Variants in TMEM114 observed in about 807,000 individuals in gnomAD.
TMEM114 encodes the protein transmembrane protein 114, also known as claudin-26.
A neutral mutation model predicts 6.2 loss-of-function variants in TMEM114; 6 were observed. That is an observed-to-expected ratio of 0.97 (90% CI 0.53 to 1.91). The LOEUF is 1.91. TMEM114 is among the 40% of genes most tolerant of loss of function. The pLI, the probability that TMEM114 is intolerant of heterozygous loss-of-function variation, is 0.01. For synonymous variants in TMEM114, 104 were observed against 73.0 expected (o/e 1.42, Z -2.16); for missense variants, 218 against 158.3 (o/e 1.38, Z -2.02).
downstream of TMEM114, among the ~76,000 whole-genome samples, chr16:8,536,758 C>T (rs1900372727): frequency 6.6e-6 from 1 of 152,030 alleles, no homozygotes; most frequent in African/African-American, 2.4e-5. Flanking sequence ...GGAGGACTCC[C>T]AGTTGAGGCA....
intron 2 of TMEM114, among the ~76,000 whole-genome samples, chr16:8,585,222 C>T (rs1902282906): frequency 6.6e-6 from 1 of 152,098 alleles, no homozygotes. Context: ...CAATTACCTC[C>T]CACCAGATCC....
chr16:8,554,085 C>T (rs933832121), intron 2 of TMEM114, among the ~76,000 whole-genome samples: 3 of 152,024 alleles, frequency 2.0e-5, no homozygotes, highest in African/African-American at 7.2e-5. Flanking sequence ...CACCATGTTG[C>T]CCAGGCTGAT....
intron 2 of TMEM114, among the ~76,000 whole-genome samples, chr16:8,574,606 T>TTTCTTTCTTTCTTTC (rs71396281): frequency 0.034 from 5,163 of 151,070 alleles, 144 homozygotes; most frequent in Non-Finnish European, 0.044. Context: ...TCTTTCTTTC[T>TTTCTTTCTTTCTTTC]TTTTCAGGGA....
intron 2 of TMEM114, among the ~76,000 whole-genome samples, chr16:8,584,846 C>T (rs1902263786): frequency 6.8e-6 from 1 of 147,242 alleles, no homozygotes; most frequent in African/African-American, 2.5e-5. Context: ...TGCTTAAATC[C>T]AGGAGGCGGA....
At chr16:8,551,328 T>C (rs967914123) in intron 2 of TMEM114, among the ~76,000 whole-genome samples, 1 of 152,216 alleles carries the variant, frequency 6.6e-6, no homozygotes, top group African/African-American at 2.4e-5. Flanking sequence ...TCAGACACCA[T>C]GTGTTTGAAT....
chr16:8,564,106 GAAAT>G (rs1461927196), intron 2 of TMEM114, among the ~76,000 whole-genome samples: 1 of 148,310 alleles, frequency 6.7e-6, no homozygotes, highest in African/African-American at 2.5e-5. Flanking sequence ...AATGAGTGAG[GAAAT>G]AAGTAAGTGA....
the TMEM114 span, among the ~76,000 whole-genome samples, chr16:8,528,300 T>A: frequency 6.6e-6 from 1 of 152,186 alleles, no homozygotes; most frequent in Admixed American, 6.5e-5. Context: ...ATTCATAAGT[T>A]CTGATAAAGG....
At chr16:8,569,450 A>G, downstream of TMEM114, 2 of 1,165,400 alleles carry the variant, frequency 1.7e-6, no homozygotes, top group Non-Finnish European at 2.1e-6. Flanking sequence ...GGTGAGGAGG[A>G]AATGAAGTCG....
chr16:8,547,455 C>T lies in TMEM114; in HGVS notation n.213-9629G>A, dbSNP rs188619372. ...TCACCCAGGCTGGAGTGCAGTGGTG[C>T]AATTTCAGCTCACTACAACCTCTGC... is the stretch of plus-strand genomic sequence containing the variant. On this transcript the variant is annotated intron_variant and non_coding_transcript_variant, in intron 2 of 2. Transcript: ENST00000623677. Among the ~76,000 whole-genome samples the T allele has an allele frequency of 8.7e-4, 130 of 149,008 alleles. No homozygotes were observed. The East Asian group carries it at 0.015, about 18-fold the overall frequency.
chr16:8,578,505 G>A (rs1254874337), intron 2 of TMEM114, among the ~76,000 whole-genome samples: 1 of 152,152 alleles, frequency 6.6e-6, no homozygotes, highest in African/African-American at 2.4e-5. Context: ...CATCTCGAGA[G>A]TCTGAATTAC....
intron 2 of TMEM114, among the ~76,000 whole-genome samples, chr16:8,585,404 G>T (rs1288406210): frequency 6.6e-6 from 1 of 151,966 alleles, no homozygotes; most frequent in Non-Finnish European, 1.5e-5. Context: ...CTCTGTGAGG[G>T]TTTTCTTAGA....
chr16:8,586,212 A>G (rs750057760), intron 2 of TMEM114, among the ~76,000 whole-genome samples: 1 of 152,226 alleles, frequency 6.6e-6, no homozygotes, highest in Non-Finnish European at 1.5e-5. Flanking sequence ...CTTACTGAGC[A>G]CTTACCATAT....
At chr16:8,560,842 C>T (rs904352205) in intron 2 of TMEM114, among the ~76,000 whole-genome samples, 7 of 152,164 alleles carry the variant, frequency 4.6e-5, no homozygotes, top group African/African-American at 1.2e-4. Context: ...CTGTTCTCCA[C>T]TGTTGGTAAA....
intron 2 of TMEM114, 26 bp from the exon 3 acceptor site, chr16:8,572,250 G>A: frequency 2.6e-6 from 4 of 1,551,504 alleles, no homozygotes; most frequent in Non-Finnish European, 2.6e-6. Flanking sequence ...GAGGATACCA[G>A]GCAGAGGACA....
chr16:8,550,676 CAAAAAAAACAAAA>C (rs1490506751), intron 2 of TMEM114, among the ~76,000 whole-genome samples: 12 of 114,494 alleles, frequency 1.0e-4, no homozygotes, highest in African/African-American at 3.8e-4. Flanking sequence ...AAAACTTCGT[CAAAAAAAACAAAA>C]AAAAAAAAAC....
downstream of TMEM114, among the ~76,000 whole-genome samples, chr16:8,533,318 G>C (rs1170264927): frequency 2.0e-5 from 3 of 152,204 alleles, no homozygotes; most frequent in Admixed American, 6.5e-5. Context: ...AGCCAGCCGT[G>C]GGAAGATCCC....
intron 3 of TMEM114, 144 bp downstream of exon 3, chr16:8,571,943 A>C: frequency 9.4e-7 from 1 of 1,064,618 alleles, no homozygotes; most frequent in Non-Finnish European, 1.3e-6. Context: ...GAAACCACTC[A>C]TCTCTTCCAA....
chr16:8,573,232 G>T (rs542209871), intron 2 of TMEM114, among the ~76,000 whole-genome samples: 15 of 152,170 alleles, frequency 9.9e-5, no homozygotes, highest in Non-Finnish European at 2.2e-4. Flanking sequence ...ACCACGTGAT[G>T]TGTGTGATAA....
At chr16:8,556,556 C>T (rs1567199465) in intron 2 of TMEM114, among the ~76,000 whole-genome samples, 3 of 152,088 alleles carry the variant, frequency 2.0e-5, no homozygotes, top group South Asian at 2.1e-4. Context: ...GGCTGGAGTG[C>T]AATGGCGTGA....
Sources: allele counts gnomAD v4.1 joint callset (sites outside exome capture counted in the v4.1 genomes callset), GRCh38; gene constraint gnomAD v4.1.1; transcripts MANE v1.5; gene names NCBI Gene and HGNC (gene_info 2026-07-23, HGNC 2026-07-21).